UNC13B: variants seen among roughly 807,000 people sequenced by gnomAD.
The protein encoded by UNC13B is unc-13 homolog B.
UNC13B carries 144 observed loss-of-function variants against 211.0 expected under a neutral mutation model. The observed-to-expected ratio is 0.68, with a 90% CI of 0.60 to 0.78. The LOEUF (loss-of-function observed/expected upper bound fraction) is 0.78, where lower values mean the gene tolerates loss of function less well. Ranked by LOEUF, UNC13B falls within the 30% of genes least tolerant of loss-of-function variation. The probability of loss-of-function intolerance (pLI) is 0.00; values close to 1 mark genes in which losing one functional copy is unlikely to be tolerated. For synonymous variants in UNC13B, 709 were observed against 725.8 expected, an observed-to-expected ratio of 0.98 and a Z score of 0.37; for missense variants, 1,777 against 2,002.0, an observed-to-expected ratio of 0.89 and a Z score of 2.14.
chr9:35,220,590 A>G (rs1045191372), intron 1 of UNC13B, among the ~76,000 whole-genome samples: 13 of 152,178 alleles, frequency 8.5e-5, no homozygotes, highest in African/African-American at 3.1e-4. Context: ...AGTTCCATCC[A>G]TGTTGTTGCA....
intron 11 of UNC13B, among the ~76,000 whole-genome samples, chr9:35,358,179 A>C (rs1833157253): frequency 6.6e-6 from 1 of 152,366 alleles, no homozygotes; most frequent in East Asian, 1.9e-4. Flanking sequence ...CATTGTACAC[A>C]TGTATCACAT....
At chr9:35,384,749 A>G (rs1835080454) in intron 22 of UNC13B, 1 of 981,418 alleles carries the variant, frequency 1.0e-6, no homozygotes, top group Non-Finnish European at 1.2e-6. Flanking sequence ...TTTTGCAAGT[A>G]ATCTGTATCA....
intron 26 of UNC13B, among the ~76,000 whole-genome samples, chr9:35,393,565 ACTCT>A (rs1232193864): frequency 1.4e-5 from 2 of 139,610 alleles, no homozygotes; most frequent in East Asian, 2.1e-4. Context: ...AGGCTTTTGG[ACTCT>A]CTCTCTTTTT....
rs533532584 is a variant in UNC13B at position 35,211,178 on chromosome 9, C to T, written c.23-16837C>T. 2.6e-5 allele frequency among the ~76,000 whole-genome samples: 4 copies of T among 152,262 alleles called. No homozygotes were observed. In the East Asian group the frequency reaches 5.8e-4, roughly 22 times the overall value. ...ATTTTAAGTAAGAATAAAGAATATACGGTGAAAAGTAAATCTTCTCATGTC... is the reference window on the plus strand; with the variant it reads ...ATTTTAAGTAAGAATAAAGAATATATGGTGAAAAGTAAATCTTCTCATGTC... On this transcript the variant is annotated intron_variant, in intron 1 of 39. Coordinates refer to ENST00000635942, the MANE Select transcript of UNC13B (RefSeq NM_001371189.2).
At chr9:35,384,165 G>T in intron 21 of UNC13B, 81 bp from the exon 22 acceptor site, 2 of 1,594,436 alleles carry the variant, frequency 1.3e-6, no homozygotes, top group Non-Finnish European at 1.7e-6. Context: ...TCATCCAGGG[G>T]TGGTTCTGTT....
At position 35,390,613 on chromosome 9, in the gene UNC13B, T is replaced by C. The variant is rs1835472498; in HGVS notation, c.11223-16T>C. 5.0e-6 allele frequency: 8 copies of C among 1,613,666 alleles called. No homozygotes were observed. The highest frequency in any genetic ancestry group is 6.8e-6 in the Non-Finnish European group (8 of 1,179,806). ...TCTTGCCTTATTCTCTGACTGTGGT[T>C]TCTTCTGTCATCCAGGTTTCCTCAG... is the stretch of plus-strand genomic sequence containing the variant. On this transcript the variant is annotated splice_polypyrimidine_tract_variant and intron_variant, in intron 25 of 39. Coordinates refer to ENST00000635942, the MANE Select transcript of UNC13B (RefSeq NM_001371189.2).
chr9:35,263,583 A>G (rs914654789), intron 7 of UNC13B, among the ~76,000 whole-genome samples: 1 of 152,144 alleles, frequency 6.6e-6, no homozygotes, highest in African/African-American at 2.4e-5. Context: ...TTAAGGGTCA[A>G]CTTAAAACCC....
chr9:35,388,294 G>A (rs1835311008), intron 24 of UNC13B, among the ~76,000 whole-genome samples: 1 of 152,112 alleles, frequency 6.6e-6, no homozygotes. Flanking sequence ...TGGAATCCCA[G>A]CTACTTGGGA....
Position 35,303,356 on chromosome 9 carries a change from G to A in UNC13B, c.3952G>A (p.Glu1318Lys). ...AKRQMPNHVL[E>K]AKLHENSNKL... ...GAGGCAAATGCCAAACCATGTTCTTGAGGCAAAACTACATGAAAATTCAAA... is the reference window on the plus strand; with the variant it reads ...GAGGCAAATGCCAAACCATGTTCTTAAGGCAAAACTACATGAAAATTCAAA... Residue 1318 changes from glutamate to lysine, a missense_variant, in exon 9 of 40, where the codon GAG (glutamate) becomes AAG (lysine). Physicochemically the swap from Glu to Lys is moderately conservative, Grantham distance 56. Coordinates refer to ENST00000635942, the MANE Select transcript of UNC13B (RefSeq NM_001371189.2). The A allele has an allele frequency of 2.5e-6, 1 of 398,648 alleles. No homozygotes were observed. Among genetic ancestry groups the A allele is most frequent in the Non-Finnish European group, 4.4e-6 (1 of 225,796 alleles). 24.7% of individuals were successfully genotyped at this position (398,648 alleles called of 1,614,324 possible). A position where few individuals can be genotyped will look rare whatever the true frequency, so the allele number is the denominator to read the frequency against.
At chr9:35,278,493 C>T (rs1239661111) in intron 7 of UNC13B, among the ~76,000 whole-genome samples, 1 of 152,142 alleles carries the variant, frequency 6.6e-6, no homozygotes, top group Non-Finnish European at 1.5e-5. Context: ...CTCCACTCTG[C>T]AGATTCATCC....
At position 35,305,844 on chromosome 9, in the gene UNC13B, C is replaced by T; in HGVS notation, c.6440C>T (p.Ala2147Val). The change falls in exon 9 of 40, where the codon GCA (alanine) becomes GTA (valine). Residue 2147 changes from alanine to valine, a missense_variant. Ala to Val is a moderately conservative substitution (Grantham distance 64, BLOSUM62 0). Transcript: ENST00000635942. ...AAAGACTGGAGTTTCTCTATGGCTG[C>T]AACATCTTCATCTCAACCAGAGTTA... ...SDKDWSFSMAATSSSQPELST... is the reference protein window; with the variant it reads ...SDKDWSFSMAVTSSSQPELST... 2.5e-6 allele frequency: 1 copy of T among 398,976 alleles called. No homozygotes were observed. Among genetic ancestry groups the T allele is most frequent in the Non-Finnish European group, 4.4e-6 (1 of 226,028 alleles). The allele number at this position is 398,976 out of a possible 1,614,324, so 24.7% of individuals were successfully genotyped here.
Position 35,303,609 on chromosome 9 carries a change from T to C in UNC13B, c.4205T>C (p.Phe1402Ser), listed in dbSNP as rs1041720668. Residue 1402 changes from phenylalanine (F) to serine (S), a missense_variant, in exon 9 of 40, where the codon TTT becomes TCT. Phe to Ser is a radical substitution (Grantham distance 155). Coordinates refer to ENST00000635942, the MANE Select transcript of UNC13B (RefSeq NM_001371189.2). ...WLDSENSVIN[F>S]CQKDQNANIL... ...GACTCAGAAAACTCAGTGATAAATTTTTGCCAAAAAGATCAAAATGCAAAC... is the reference window on the plus strand; with the variant it reads ...GACTCAGAAAACTCAGTGATAAATTCTTGCCAAAAAGATCAAAATGCAAAC... 2.3e-5 allele frequency: 9 copies of C among 398,582 alleles called. No homozygotes were observed. Among genetic ancestry groups the C allele is most frequent in the Non-Finnish European group, 4.0e-5 (9 of 225,842 alleles). The allele number at this position is 398,582 out of a possible 1,614,324, so 24.7% of individuals were successfully genotyped here. A position where few individuals can be genotyped will look rare whatever the true frequency, so the allele number is the denominator to read the frequency against.
chr9:35,254,573 A>G lies in UNC13B; in HGVS notation c.469-4420A>G, dbSNP rs541479996. Among the ~76,000 whole-genome samples, 11 of 152,140 alleles carry G rather than the reference A, an allele frequency of 7.2e-5. No individual in the cohort carries two copies. In the East Asian group the frequency reaches 9.7e-4, roughly 13 times the overall value. On this transcript the variant is annotated intron_variant, in intron 6 of 39. Coordinates refer to ENST00000635942, the MANE Select transcript of UNC13B (RefSeq NM_001371189.2). ...CATTCAGACTATAGCAGAGGGGTGT[A>G]TATTTTTTCTCCATGTAGGTATTAT...
chr9:35,376,375 A>C, intron 15 of UNC13B, 128 bp downstream of exon 15: 1 of 932,666 alleles, frequency 1.1e-6, no homozygotes, highest in Non-Finnish European at 1.6e-6. Flanking sequence ...AACCCTATCC[A>C]TTTCAGAGAA....
chr9:35,241,771 G>A (rs888635424), intron 5 of UNC13B, among the ~76,000 whole-genome samples: 3 of 152,150 alleles, frequency 2.0e-5, no homozygotes, highest in African/African-American at 7.2e-5. Context: ...TGTAACAGGT[G>A]CATAGTATAC....
chr9:35,236,415 T>G, intron 3 of UNC13B, 54 bp from the exon 4 acceptor site: 5 of 1,393,468 alleles, frequency 3.6e-6, no homozygotes, highest in Non-Finnish European at 5.1e-6. Flanking sequence ...GGAGATGTAG[T>G]TGTTTCTTTC....
chr9:35,395,939 C>T (rs1835843707), intron 26 of UNC13B, among the ~76,000 whole-genome samples: 1 of 152,158 alleles, frequency 6.6e-6, no homozygotes, highest in South Asian at 2.1e-4. Flanking sequence ...CTCAAGATTC[C>T]ATTACACCAT....
chr9:35,187,906 T>C lies in UNC13B; in HGVS notation c.22+25601T>C, dbSNP rs1035797108. Among the ~76,000 whole-genome samples, 15 of 152,306 alleles carry C rather than the reference T, an allele frequency of 9.8e-5. No individual in the cohort carries two copies. The South Asian group carries it at 1.2e-3, about 13-fold the overall frequency. ...CTTTTATTGGCTCTGCAAGTCTAGA[T>C]TGACTCCTTAAATAGTTTCCAAATT... On this transcript the variant is annotated intron_variant, in intron 1 of 39. Coordinates refer to ENST00000635942, the MANE Select transcript of UNC13B (RefSeq NM_001371189.2).
chr9:35,308,768 A>G (rs1830044669), intron 9 of UNC13B, among the ~76,000 whole-genome samples: 1 of 152,218 alleles, frequency 6.6e-6, no homozygotes, highest in Non-Finnish European at 1.5e-5. Context: ...TATATTAACT[A>G]CAACTACATG....
Sources: gnomAD v4.1 joint callset for allele counts (sites outside exome capture counted in the v4.1 genomes callset) on GRCh38, gnomAD v4.1.1 for gene constraint, MANE v1.5 for transcripts, NCBI Gene and HGNC (gene_info 2026-07-23, HGNC 2026-07-21) for gene names.